Variants in UNC80 observed in about 807,000 individuals in gnomAD.
UNC80 encodes protein unc-80 homolog.
A neutral mutation model predicts 384.6 loss-of-function variants in UNC80; 164 were observed. That is an observed-to-expected ratio of 0.43 (90% CI 0.38 to 0.49). The LOEUF is 0.49. Ranked by LOEUF, UNC80 falls within the 20% of genes least tolerant of loss-of-function variation. UNC80 has a pLI of 0.00. For synonymous variants in UNC80, 1,486 were observed against 1,527.8 expected, an observed-to-expected ratio of 0.97 and a Z score of 0.64; for missense variants, 3,330 against 4,143.0, an observed-to-expected ratio of 0.80 and a Z score of 5.39.
At chr2:209,969,689 A>G in intron 52 of UNC80, 79 bp from the exon 53 acceptor site, 1 of 1,519,838 alleles carries the variant, frequency 6.6e-7, no homozygotes, top group Non-Finnish European at 8.9e-7. Flanking sequence ...AGATGGCATC[A>G]GAATCACTGT....
chr2:209,816,175 G>C (rs1034651479), intron 9 of UNC80, among the ~76,000 whole-genome samples: 2 of 152,180 alleles, frequency 1.3e-5, no homozygotes, highest in Non-Finnish European at 2.9e-5. Context: ...TTCAATACAG[G>C]CTGCATATGA....
chr2:209,936,573 G>A (rs1021198998), intron 40 of UNC80, among the ~76,000 whole-genome samples: 1 of 151,860 alleles, frequency 6.6e-6, no homozygotes, highest in South Asian at 2.1e-4. Context: ...AGTCTTTATC[G>A]TACCATTCTT....
chr2:209,926,630 G>A (rs80237467), intron 35 of UNC80, among the ~76,000 whole-genome samples: 18 of 152,094 alleles, frequency 1.2e-4, no homozygotes, highest in Non-Finnish European at 2.4e-4. Flanking sequence ...AAAAAAATTA[G>A]TCAGATGTGG....
At chr2:209,789,805 G>T (rs1407041544) in intron 6 of UNC80, among the ~76,000 whole-genome samples, 200 bp downstream of exon 6, 1 of 151,802 alleles carries the variant, frequency 6.6e-6, no homozygotes, top group Non-Finnish European at 1.5e-5. Context: ...AAGCGTGCAG[G>T]TGTGGAAATA....
intron 18 of UNC80, among the ~76,000 whole-genome samples, chr2:209,838,301 A>AAAG (rs1248915078): frequency 4.3e-5 from 6 of 140,714 alleles, no homozygotes; most frequent in Non-Finnish European, 9.2e-5. Context: ...AATCACTGCT[A>AAAG]ATTTATTGAG....
chr2:209,993,920 C>A, intron 63 of UNC80, 145 bp from the exon 64 acceptor site: 1 of 696,930 alleles, frequency 1.4e-6, no homozygotes, highest in Non-Finnish European at 2.3e-6. Context: ...GCAAAATGTT[C>A]AAACGTGCTC....
At chr2:209,909,546 A>G (rs2124937087) in intron 29 of UNC80, among the ~76,000 whole-genome samples, 1 of 152,306 alleles carries the variant, frequency 6.6e-6, no homozygotes, top group Non-Finnish European at 1.5e-5. Flanking sequence ...TCAAGATGGC[A>G]TCATTATTTT....
At position 209,817,945 on chromosome 2, in the gene UNC80, C is replaced by T. The variant is rs1484106978; in HGVS notation, c.1686C>T (p.Val562=). Reference sequence around the variant, plus strand: ...CCAACAGCCATGGAGAAAACACCGTCAAGGAAGGTGGGTAGGAGGTGGGGC... The same window carrying T: ...CCAACAGCCATGGAGAAAACACCGTTAAGGAAGGTGGGTAGGAGGTGGGGC... The part of the protein sequence containing the change: ...DPSNSHGENT[V]KEVRSQISTI... The change falls in exon 11 of 65, where the codon GTC becomes GTT. Residue 562 remains valine, a synonymous_variant. Coordinates refer to ENST00000673920, the MANE Select transcript of UNC80 (RefSeq NM_001371986.1). 1.3e-6 allele frequency: 2 copies of T among 1,551,564 alleles called. No homozygotes were observed. Among genetic ancestry groups the T allele is most frequent in the South Asian group, 1.2e-5 (1 of 84,040 alleles).
At chr2:209,938,801 G>A (rs1465474850) in intron 42 of UNC80, among the ~76,000 whole-genome samples, 1 of 151,626 alleles carries the variant, frequency 6.6e-6, no homozygotes, top group Non-Finnish European at 1.5e-5. Flanking sequence ...TTGCTCTGAT[G>A]TACACTTCAA....
chr2:209,827,312 A>G (rs940760413), intron 14 of UNC80, among the ~76,000 whole-genome samples: 6 of 152,166 alleles, frequency 3.9e-5, no homozygotes, highest in Non-Finnish European at 8.8e-5. Flanking sequence ...GACCAATTTC[A>G]TGACATGAAA....
chr2:209,905,908 A>G (rs1289530729), intron 29 of UNC80, among the ~76,000 whole-genome samples: 1 of 152,200 alleles, frequency 6.6e-6, no homozygotes, highest in Middle Eastern at 3.2e-3. Flanking sequence ...CTGCCCCTGA[A>G]CAGGCGTCAC....
At chr2:209,800,320 T>G (rs2078458736) in intron 7 of UNC80, among the ~76,000 whole-genome samples, 1 of 152,182 alleles carries the variant, frequency 6.6e-6, no homozygotes, top group African/African-American at 2.4e-5. Flanking sequence ...TATCCCTTTC[T>G]TCTAGATTTT....
At chr2:209,913,400 T>G (rs914434220) in intron 30 of UNC80, among the ~76,000 whole-genome samples, 1 of 152,188 alleles carries the variant, frequency 6.6e-6, no homozygotes, top group Non-Finnish European at 1.5e-5. Flanking sequence ...GGCTTTTTCA[T>G]CAGTTACAGG....
intron 7 of UNC80, among the ~76,000 whole-genome samples, chr2:209,799,817 A>G (rs1470834794): frequency 1.3e-5 from 2 of 152,190 alleles, no homozygotes; most frequent in Admixed American, 6.5e-5. Flanking sequence ...TTCTGTGTCT[A>G]TTGAGATAAT....
At chr2:209,945,753 A>G in intron 46 of UNC80, 94 bp from the exon 47 acceptor site, 1 of 779,898 alleles carries the variant, frequency 1.3e-6, no homozygotes, top group East Asian at 2.7e-5. Flanking sequence ...AGGCTACAGT[A>G]TATACTGGAA....
At chr2:209,936,479 T>C (rs1364343778) in intron 40 of UNC80, among the ~76,000 whole-genome samples, 1 of 152,210 alleles carries the variant, frequency 6.6e-6, no homozygotes, top group Non-Finnish European at 1.5e-5. Context: ...GGTGCCACTG[T>C]TCCTCCACAG....
intron 7 of UNC80, among the ~76,000 whole-genome samples, chr2:209,808,153 C>G (rs2079027599): frequency 6.6e-6 from 1 of 152,134 alleles, no homozygotes; most frequent in Non-Finnish European, 1.5e-5. Flanking sequence ...TTGGTAATTA[C>G]TTTCAAACAA....
chr2:209,967,249 G>A (rs1175727129), intron 51 of UNC80, among the ~76,000 whole-genome samples, 188 bp from the exon 52 acceptor site: 1 of 151,934 alleles, frequency 6.6e-6, no homozygotes, highest in Non-Finnish European at 1.5e-5. Flanking sequence ...CTATTAATAT[G>A]CATATGTAGG....
In UNC80 at chr2:209,906,350, T is replaced by G. The variant is rs112675058; in HGVS notation, c.4782+1385T>G. On this transcript the variant is annotated intron_variant, in intron 29 of 64. Coordinates refer to ENST00000673920, the MANE Select transcript of UNC80 (RefSeq NM_001371986.1). Reference sequence around the variant, plus strand: ...AAAAATTATATATCTGATGTACCTCTTAAGTGTGCAAGTTCATCCTATGGG... The same window carrying G: ...AAAAATTATATATCTGATGTACCTCGTAAGTGTGCAAGTTCATCCTATGGG... 1.4e-4 allele frequency among the ~76,000 whole-genome samples: 22 copies of G among 152,292 alleles called. 1 individual carries two copies. The highest frequency in any genetic ancestry group is 5.3e-4 in the African/African-American group (22 of 41,548).
Sources: allele counts gnomAD v4.1 joint callset (sites outside exome capture counted in the v4.1 genomes callset), GRCh38; gene constraint gnomAD v4.1.1; transcripts MANE v1.5; gene names NCBI Gene and HGNC (gene_info 2026-07-23, HGNC 2026-07-21).